Variants in MNAT1 observed in about 807,000 individuals in gnomAD.
The protein encoded by MNAT1 is MNAT1 component of CDK activating kinase, also known as CDK-activating kinase assembly factor MAT1.
MNAT1 carries 43 observed loss-of-function variants against 42.0 expected under a neutral mutation model. The ratio of observed to expected loss-of-function variants is 1.02; its 90% CI spans 0.80 to 1.32. The LOEUF (loss-of-function observed/expected upper bound fraction) is 1.32, where lower values mean the gene tolerates loss of function less well. Ranked by LOEUF, MNAT1 falls within the 40% of genes most tolerant of loss-of-function variation. MNAT1 has a pLI of 0.00. For missense variants in MNAT1, 306 were observed against 350.4 expected (o/e 0.87, Z 1.01); for synonymous variants, 118 against 120.0 (o/e 0.98, Z 0.11).
chr14:60,890,183 A>G (rs1381675391), intron 7 of MNAT1, among the ~76,000 whole-genome samples: 1 of 152,196 alleles, frequency 6.6e-6, no homozygotes, highest in Non-Finnish European at 1.5e-5. Context: ...TCACAATAGC[A>G]AAGACTTGGA....
chr14:60,756,774 CA>C (rs1333787303), intron 1 of MNAT1, among the ~76,000 whole-genome samples: 1 of 152,110 alleles, frequency 6.6e-6, no homozygotes, highest in Non-Finnish European at 1.5e-5. Context: ...ATGTGTTTTA[CA>C]AAATAGAGCC....
At chr14:60,823,223 AACTCACT>A (rs1249509837) in intron 6 of MNAT1, among the ~76,000 whole-genome samples, 1 of 152,136 alleles carries the variant, frequency 6.6e-6, no homozygotes, top group African/African-American at 2.4e-5. Flanking sequence ...TAAAACTGAA[AACTCACT>A]ACTTGGAGTA....
At chr14:60,856,873 G>A (rs1292039594) in intron 6 of MNAT1, among the ~76,000 whole-genome samples, 2 of 151,984 alleles carry the variant, frequency 1.3e-5, no homozygotes, top group Non-Finnish European at 2.9e-5. Flanking sequence ...TAGAGATGGG[G>A]TTTCACCATA....
At chr14:60,812,794 C>T (rs758163980) in intron 5 of MNAT1, among the ~76,000 whole-genome samples, 4 of 152,158 alleles carry the variant, frequency 2.6e-5, no homozygotes, top group South Asian at 2.1e-4. Context: ...TCGGGGAAGA[C>T]GACTTGCTCT....
At chr14:60,912,192 C>T (rs1044131317) in intron 7 of MNAT1, among the ~76,000 whole-genome samples, 21 of 152,202 alleles carry the variant, frequency 1.4e-4, no homozygotes, top group Non-Finnish European at 2.6e-4. Context: ...TCCTCCATCC[C>T]TTTATTTTGA....
At chr14:60,791,146 C>G (rs935231233) in intron 1 of MNAT1, among the ~76,000 whole-genome samples, 1 of 152,056 alleles carries the variant, frequency 6.6e-6, no homozygotes. Context: ...TCAGAATGGA[C>G]TTAAATATAC....
chr14:60,862,492 A>G (rs182489290), intron 6 of MNAT1, among the ~76,000 whole-genome samples: 1 of 152,322 alleles, frequency 6.6e-6, no homozygotes, highest in East Asian at 1.9e-4. Context: ...CTGTGTGTTC[A>G]GCACAAGGGC....
At chr14:60,788,662 T>G (rs1213070407) in intron 1 of MNAT1, among the ~76,000 whole-genome samples, 1 of 152,212 alleles carries the variant, frequency 6.6e-6, no homozygotes, top group Non-Finnish European at 1.5e-5. Flanking sequence ...AGCCTCCATA[T>G]CAGCACTTGC....
At chr14:60,794,568 A>T (rs1206486159) in intron 1 of MNAT1, among the ~76,000 whole-genome samples, 1 of 142,522 alleles carries the variant, frequency 7.0e-6, no homozygotes, top group African/African-American at 2.6e-5. Context: ...GAGGAGCCTG[A>T]TGTAGGACGA....
At chr14:60,808,064 C>T (rs2032432368) in intron 3 of MNAT1, among the ~76,000 whole-genome samples, 1 of 151,992 alleles carries the variant, frequency 6.6e-6, no homozygotes, top group South Asian at 2.1e-4. Flanking sequence ...GATCTAAGCA[C>T]ATATCTTAGG....
intron 6 of MNAT1, among the ~76,000 whole-genome samples, chr14:60,842,000 CAT>C (rs1284175150): frequency 2.6e-5 from 4 of 152,196 alleles, no homozygotes; most frequent in Non-Finnish European, 5.9e-5. Context: ...AATTTCCACT[CAT>C]GTGCAGCTCA....
At chr14:60,881,328 G>T (rs1377341050) in intron 7 of MNAT1, among the ~76,000 whole-genome samples, 2 of 152,116 alleles carry the variant, frequency 1.3e-5, no homozygotes, top group Non-Finnish European at 2.9e-5. Context: ...GAGGCTGCAG[G>T]CATGCACCAC....
In MNAT1 at chr14:60,805,760, T is replaced by C. The variant is rs532850692; in HGVS notation, c.317-2565T>C. Among the ~76,000 whole-genome samples the C allele has an allele frequency of 2.6e-5, 4 of 152,326 alleles. No homozygotes were observed. The South Asian group carries it at 8.3e-4, about 32-fold the overall frequency. ...GATTTCTTTTTAGTGCTGAATAATA[T>C]TACATTTTTTTAAATCTGCTGAAGG... On this transcript the variant is annotated intron_variant, in intron 3 of 7. Coordinates refer to ENST00000261245, the MANE Select transcript of MNAT1 (RefSeq NM_002431.4).
chr14:60,799,508 G>A, intron 3 of MNAT1: 1 of 644,992 alleles, frequency 1.6e-6, no homozygotes. Flanking sequence ...TCAAAAGTCT[G>A]GTCAAGCAAT....
At chr14:60,820,194 T>C (rs2032840924) in intron 6 of MNAT1, among the ~76,000 whole-genome samples, 1 of 152,060 alleles carries the variant, frequency 6.6e-6, no homozygotes, top group African/African-American at 2.4e-5. Context: ...GAATAAAGTC[T>C]AGTATTCAGA....
At chr14:60,768,438 C>G (rs1443356018) in intron 1 of MNAT1, among the ~76,000 whole-genome samples, 1 of 152,112 alleles carries the variant, frequency 6.6e-6, no homozygotes. Context: ...ATGATATGTT[C>G]TACAGAAACA....
intron 1 of MNAT1, among the ~76,000 whole-genome samples, chr14:60,758,217 T>G (rs75188240): frequency 6.6e-6 from 1 of 151,980 alleles, no homozygotes; most frequent in African/African-American, 2.4e-5. Context: ...TTTTTTTTTT[T>G]TCTTTTTGAG....
chr14:60,967,315 T>C (rs932450536), intron 7 of MNAT1, among the ~76,000 whole-genome samples: 1 of 152,228 alleles, frequency 6.6e-6, no homozygotes, highest in African/African-American at 2.4e-5. Flanking sequence ...TTCCAAGTTA[T>C]TAAAATGTTC....
chr14:60,783,342 A>G (rs571797637), intron 1 of MNAT1, among the ~76,000 whole-genome samples: 11 of 152,188 alleles, frequency 7.2e-5, no homozygotes, highest in Non-Finnish European at 1.0e-4. Context: ...TTGTCTTGCT[A>G]TCTGTAAAAG....
Sources: allele counts gnomAD v4.1 joint callset (sites outside exome capture counted in the v4.1 genomes callset), GRCh38; gene constraint gnomAD v4.1.1; transcripts MANE v1.5; gene names NCBI Gene and HGNC (gene_info 2026-07-23, HGNC 2026-07-21).